Variants in TPO observed in about 807,000 individuals in gnomAD.
TPO encodes thyroid microsomal antigen.
A neutral mutation model predicts 96.9 loss-of-function variants in TPO; 78 were observed. That is an observed-to-expected ratio of 0.81 (90% CI 0.67 to 0.97). The LOEUF (loss-of-function observed/expected upper bound fraction) is 0.97, where lower values mean the gene tolerates loss of function less well. TPO is among the 50% of genes least tolerant of loss of function. The pLI, the probability that TPO is intolerant of heterozygous loss-of-function variation, is 0.00. For synonymous variants in TPO, 547 were observed against 538.0 expected (o/e 1.02, Z -0.23); for missense variants, 1,252 against 1,274.8 (o/e 0.98, Z 0.27).
chr2:1,510,315 T>A (rs2125043491), intron 14 of TPO, among the ~76,000 whole-genome samples: 1 of 152,298 alleles, frequency 6.6e-6, no homozygotes, highest in East Asian at 1.9e-4. Context: ...CCTGCTCAGG[T>A]GAAGGCAGTG....
intron 1 of TPO, among the ~76,000 whole-genome samples, chr2:1,399,517 A>G (rs1443167639): frequency 6.6e-6 from 1 of 152,274 alleles, no homozygotes; most frequent in African/African-American, 2.4e-5. Flanking sequence ...CAGAACAATT[A>G]TAACAATACC....
chr2:1,518,056 G>A (rs28913022), intron 15 of TPO, among the ~76,000 whole-genome samples: 1 of 151,836 alleles, frequency 6.6e-6, no homozygotes, highest in Admixed American at 6.6e-5. Flanking sequence ...CCTCACTGGC[G>A]GAGCCCCCAG....
At chr2:1,455,937 C>T in intron 6 of TPO, 139 bp from the exon 7 acceptor site, 5 of 834,006 alleles carry the variant, frequency 6.0e-6, no homozygotes, top group South Asian at 4.4e-5. Context: ...CCTGCCCTAA[C>T]TCCAGGGCAC....
chr2:1,422,364 G>GTGCAGCCGCCTCTC (rs1663796461), intron 2 of TPO, among the ~76,000 whole-genome samples: 1 of 118,176 alleles, frequency 8.5e-6, no homozygotes, highest in African/African-American at 3.1e-5. Flanking sequence ...CAGGCGCCGC[G>GTGCAGCCGCCTCTC]CTGGACCGAC....
chr2:1,453,083 A>ACT (rs552269711), intron 5 of TPO, among the ~76,000 whole-genome samples: 5 of 151,014 alleles, frequency 3.3e-5, no homozygotes, highest in Non-Finnish European at 7.4e-5. Context: ...AATACAACTG[A>ACT]CTCTCTCTCT....
chr2:1,540,531 C>T, intron 15 of TPO, 63 bp from the exon 16 acceptor site: 6 of 1,605,574 alleles, frequency 3.7e-6, no homozygotes, highest in Non-Finnish European at 5.1e-6. Flanking sequence ...GTGCCGTGCT[C>T]TCTACCCTCC....
At chr2:1,517,125 G>T in intron 15 of TPO, 143 bp downstream of exon 15, 1 of 843,134 alleles carries the variant, frequency 1.2e-6, no homozygotes, top group Non-Finnish European at 1.9e-6. Flanking sequence ...GAGCTATTTT[G>T]TACAACGTAA....
chr2:1,426,692 T>C lies in TPO; in HGVS notation c.179+3563T>C, dbSNP rs369850294. ...TGCTCCTTCTGTAAAGACAGACACC[T>C]GAAGAAGGCACTTCATTTAGGGATG... On this transcript the variant is annotated intron_variant, in intron 3 of 16. Coordinates refer to ENST00000329066, the MANE Select transcript of TPO (RefSeq NM_001206744.2). Among the ~76,000 whole-genome samples, 9 of 152,362 alleles carry C rather than the reference T, an allele frequency of 5.9e-5. No homozygotes were observed. The East Asian group carries it at 1.3e-3, about 23-fold the overall frequency.
intron 10 of TPO, among the ~76,000 whole-genome samples, chr2:1,488,975 AGCT>A (rs1352219036): frequency 5.3e-5 from 8 of 152,226 alleles, no homozygotes; most frequent in Non-Finnish European, 1.0e-4. Context: ...ACCCAAACAC[AGCT>A]GCTTTCTTGT....
rs547144815 is a variant in TPO at position 1,385,801 on chromosome 2, A to G, written n.180+11399A>G. On this transcript the variant is annotated intron_variant and non_coding_transcript_variant, in intron 1 of 5. Transcript: ENST00000497517. The stretch of plus-strand genomic sequence containing the variant: ...TGCTTCTCTAGTTCTTTTAATTGTG[A>G]TGTTAGGGTGTCAATTTTAGATCTT... Among the ~76,000 whole-genome samples, 787 of 151,894 alleles carry G rather than the reference A, an allele frequency of 5.2e-3. 4 individuals are homozygous for G. Among genetic ancestry groups the G allele is most frequent in the Non-Finnish European group, 7.6e-3 (519 of 67,978 alleles).
intron 15 of TPO, among the ~76,000 whole-genome samples, chr2:1,534,554 CCACTCT>C (rs1679113194): frequency 9.4e-5 from 9 of 95,716 alleles, no homozygotes; most frequent in African/African-American, 3.4e-4. Context: ...CAAATCCCTA[CCACTCT>C]GTGCAACTTC....
Position 1,505,988 on chromosome 2 carries a change from AT to A in TPO, c.2518+1910del, listed in dbSNP as rs1444837848. Among the ~76,000 whole-genome samples, 43 of 127,656 alleles carry A rather than the reference AT, an allele frequency of 3.4e-4. No individual in the cohort carries two copies. In the Admixed American group the frequency reaches 3.4e-3, roughly 10 times the overall value. 83.7% of individuals were successfully genotyped at this position (127,656 alleles called of 152,430 possible). A position where few individuals can be genotyped will look rare whatever the true frequency, so the allele number is the denominator to read the frequency against. The stretch of plus-strand genomic sequence containing the variant: ...TAACTCGTCATTTAACATTTGGTAT[AT>A]CTCCTAATTTAACATTTGGTATATC... On this transcript the variant is annotated intron_variant, in intron 14 of 16. Transcript: ENST00000329066.
chr2:1,419,409 G>A (rs1329781189), intron 2 of TPO, among the ~76,000 whole-genome samples: 15 of 152,174 alleles, frequency 9.9e-5, no homozygotes, highest in Admixed American at 2.0e-4. Context: ...CCAGCTCCCT[G>A]GTGGCAGGAG....
chr2:1,402,117 C>T (rs1662181707), intron 1 of TPO, among the ~76,000 whole-genome samples: 1 of 152,204 alleles, frequency 6.6e-6, no homozygotes, highest in Non-Finnish European at 1.5e-5. Flanking sequence ...ACATCTCCAT[C>T]CTGTGGATTC....
In TPO at chr2:1,449,084, A is replaced by G. The variant is rs1279961933; in HGVS notation, c.483-4610A>G. On this transcript the variant is annotated intron_variant, in intron 5 of 16. Transcript: ENST00000329066. ...TTCACGTTCTGTCCAATACAGCCTT[A>G]AAGCCCATGAACAATTCTGGGGGAG... Among the ~76,000 whole-genome samples the G allele has an allele frequency of 3.9e-5, 6 of 152,212 alleles. No homozygotes were observed. The East Asian group carries it at 1.2e-3, about 29-fold the overall frequency.
intron 15 of TPO, 137 bp from the exon 16 acceptor site, chr2:1,540,457 T>A: frequency 6.3e-7 from 1 of 1,580,958 alleles, no homozygotes; most frequent in Non-Finnish European, 8.6e-7. Flanking sequence ...TTGACTGAAG[T>A]GTGAAATGAA....
intron 5 of TPO, among the ~76,000 whole-genome samples, chr2:1,443,019 T>C (rs1446788607): frequency 6.6e-6 from 1 of 152,230 alleles, no homozygotes; most frequent in Non-Finnish European, 1.5e-5. Flanking sequence ...GGGGATCGCT[T>C]GAGCCCAGGA....
chr2:1,457,695 T>A (rs1178168173), intron 7 of TPO, among the ~76,000 whole-genome samples: 1 of 151,936 alleles, frequency 6.6e-6, no homozygotes, highest in Admixed American at 6.6e-5. Context: ...TGTGGGCAGA[T>A]GTGTACATAG....
intron 15 of TPO, among the ~76,000 whole-genome samples, chr2:1,540,286 GA>G (rs1680583061): frequency 6.6e-6 from 1 of 152,206 alleles, no homozygotes. Flanking sequence ...TGACTGGGGG[GA>G]AATCCTCACT....
Sources: allele counts gnomAD v4.1 joint callset (sites outside exome capture counted in the v4.1 genomes callset), GRCh38; gene constraint gnomAD v4.1.1; transcripts MANE v1.5; gene names NCBI Gene and HGNC (gene_info 2026-07-23, HGNC 2026-07-21).